Variants in ATXN1 observed in about 807,000 individuals in gnomAD.
ATXN1 encodes the protein ataxin-1.
In ATXN1, 8 loss-of-function variants were observed where a neutral mutation model predicts 56.4. The ratio of observed to expected loss-of-function variants is 0.14; its 90% CI spans 0.08 to 0.26. The LOEUF (loss-of-function observed/expected upper bound fraction) is 0.26. ATXN1 is among the 10% of genes least tolerant of loss of function. The pLI is 1.00. For synonymous variants in ATXN1, 514 were observed against 494.6 expected (o/e 1.04, Z -0.52); for missense variants, 987 against 1,106.5 (o/e 0.89, Z 1.53).
intron 4 of ATXN1, among the ~76,000 whole-genome samples, chr6:16,554,821 C>T (rs1454509058): frequency 6.6e-6 from 1 of 152,162 alleles, no homozygotes; most frequent in Admixed American, 6.5e-5. Context: ...GAACTCCTGA[C>T]CTCAGGTGAT....
intron 2 of ATXN1, among the ~76,000 whole-genome samples, chr6:16,718,697 A>C (rs1759686749): frequency 6.6e-6 from 1 of 152,256 alleles, no homozygotes; most frequent in African/African-American, 2.4e-5. Context: ...CAAGAGTTTT[A>C]ACACTGTGAT....
chr6:16,694,284 G>A (rs1258161604), intron 2 of ATXN1, among the ~76,000 whole-genome samples: 4 of 131,964 alleles, frequency 3.0e-5, no homozygotes, highest in African/African-American at 8.6e-5. Context: ...ACGGAGTCTC[G>A]CTCTGTCGCC....
At chr6:16,656,444 C>T (rs180839829) in intron 3 of ATXN1, among the ~76,000 whole-genome samples, 40 of 152,178 alleles carry the variant, frequency 2.6e-4, no homozygotes, top group Admixed American at 2.6e-3. Context: ...TGGGGCAGAC[C>T]TAGGCTTCAA....
intron 6 of ATXN1, among the ~76,000 whole-genome samples, chr6:16,356,619 C>G (rs2113468142): frequency 6.6e-6 from 1 of 152,258 alleles, no homozygotes; most frequent in South Asian, 2.1e-4. Flanking sequence ...ACAGTATGAA[C>G]TGTCCTGGAA....
chr6:16,541,221 T>C (rs1442139169), intron 4 of ATXN1, among the ~76,000 whole-genome samples: 1 of 152,192 alleles, frequency 6.6e-6, no homozygotes, highest in Non-Finnish European at 1.5e-5. Flanking sequence ...GGGGACTCAC[T>C]ACTGCACCAC....
chr6:16,397,550 T>A (rs1029008192), intron 6 of ATXN1, among the ~76,000 whole-genome samples: 8 of 152,174 alleles, frequency 5.3e-5, no homozygotes, highest in African/African-American at 1.7e-4. Context: ...CGGCCGCCAG[T>A]AGTAGCTAAA....
At chr6:16,613,703 C>T (rs1364872646) in intron 3 of ATXN1, among the ~76,000 whole-genome samples, 2 of 152,192 alleles carry the variant, frequency 1.3e-5, no homozygotes, top group South Asian at 2.1e-4. Context: ...GTGGCATGCA[C>T]CTGCAGTCCC....
At chr6:16,405,588 A>G (rs1184595279) in intron 6 of ATXN1, among the ~76,000 whole-genome samples, 1 of 152,162 alleles carries the variant, frequency 6.6e-6, no homozygotes, top group African/African-American at 2.4e-5. Flanking sequence ...GGTTTCATAA[A>G]ATGTTAGCGC....
intron 6 of ATXN1, among the ~76,000 whole-genome samples, chr6:16,430,845 A>C (rs1453173018): frequency 6.6e-6 from 1 of 152,164 alleles, no homozygotes; most frequent in African/African-American, 2.4e-5. Flanking sequence ...TACTGCGTAC[A>C]TCCAAGGTTC....
chr6:16,323,865 G>T (rs969901685), intron 7 of ATXN1, among the ~76,000 whole-genome samples: 1 of 152,122 alleles, frequency 6.6e-6, no homozygotes, highest in African/African-American at 2.4e-5. Flanking sequence ...CATGCAGGAA[G>T]TGAACAGCCA....
rs371457073 is a variant in ATXN1, at chr6:16,511,220, TG to T, written c.-299+11406del. 3.9e-4 allele frequency among the ~76,000 whole-genome samples: 60 copies of T among 151,968 alleles called. 1 individual carries two copies. The East Asian group carries it at 8.1e-3, about 21-fold the overall frequency. The stretch of plus-strand genomic sequence containing the variant: ...TAATTTAGTTAGGGAGAGGAAGGGG[TG>T]GAAGCTGGGGAAAGTCCTGCTTAGA... On this transcript the variant is annotated intron_variant, in intron 5 of 7. Coordinates refer to ENST00000436367, the MANE Select transcript of ATXN1 (RefSeq NM_001128164.2).
At chr6:16,714,889 A>G (rs1759606063) in intron 2 of ATXN1, among the ~76,000 whole-genome samples, 1 of 152,126 alleles carries the variant, frequency 6.6e-6, no homozygotes, top group African/African-American at 2.4e-5. Context: ...ACACCATTCT[A>G]TGCCATCAAG....
chr6:16,350,635 G>T (rs1388382824), intron 6 of ATXN1, among the ~76,000 whole-genome samples: 2 of 152,238 alleles, frequency 1.3e-5, no homozygotes, highest in African/African-American at 4.8e-5. Flanking sequence ...GTGTAGGAAA[G>T]AATTTGGCTT....
At chr6:16,427,299 A>G (rs995579086) in intron 6 of ATXN1, among the ~76,000 whole-genome samples, 3 of 152,116 alleles carry the variant, frequency 2.0e-5, no homozygotes, top group Non-Finnish European at 2.9e-5. Context: ...CCTCACTTCT[A>G]CTCACTAGAT....
chr6:16,430,786 A>G (rs1350189079), intron 6 of ATXN1, among the ~76,000 whole-genome samples: 1 of 151,956 alleles, frequency 6.6e-6, no homozygotes, highest in Non-Finnish European at 1.5e-5. Context: ...CTTGCCAACC[A>G]TATTTCATCT....
intron 2 of ATXN1, among the ~76,000 whole-genome samples, chr6:16,678,415 T>G (rs746734022): frequency 6.6e-6 from 1 of 152,242 alleles, no homozygotes; most frequent in African/African-American, 2.4e-5. Context: ...TTTTATTCTA[T>G]CTTATATTAG....
rs1337411752 is a variant in ATXN1 at position 16,374,658 on chromosome 6, G to A, written c.-160-46188C>T. On this transcript the variant is annotated intron_variant, in intron 6 of 7. Coordinates refer to ENST00000436367, the MANE Select transcript of ATXN1 (RefSeq NM_001128164.2). Reference sequence around the variant, plus strand: ...GGTTGAAAGGACACCTGTGAGCATCGTGAGGTTTGGATGGCAAGTGTGCCC... The same window carrying A: ...GGTTGAAAGGACACCTGTGAGCATCATGAGGTTTGGATGGCAAGTGTGCCC... 3.3e-5 allele frequency among the ~76,000 whole-genome samples: 5 copies of A among 152,192 alleles called. No homozygotes were observed. The East Asian group carries it at 5.8e-4, about 18-fold the overall frequency.
chr6:16,654,408 G>A lies in ATXN1; in HGVS notation c.-489+3368C>T, dbSNP rs149454633. On this transcript the variant is annotated intron_variant, in intron 3 of 7. Coordinates refer to ENST00000436367, the MANE Select transcript of ATXN1 (RefSeq NM_001128164.2). Reference sequence around the variant, plus strand: ...AAAATAGAAAAATTAGCTGGGCACGGTGGCGCATGCCTGTAATCCCAGCTA... The same window carrying A: ...AAAATAGAAAAATTAGCTGGGCACGATGGCGCATGCCTGTAATCCCAGCTA... 9.0e-3 allele frequency among the ~76,000 whole-genome samples: 1,372 copies of A among 152,140 alleles called. 21 individuals are homozygous for A. Among genetic ancestry groups the A allele is most frequent in the African/African-American group, 0.031 (1,279 of 41,504 alleles).
At chr6:16,348,238 A>G (rs921693432) in intron 6 of ATXN1, among the ~76,000 whole-genome samples, 5 of 152,006 alleles carry the variant, frequency 3.3e-5, no homozygotes, top group Admixed American at 1.3e-4. Context: ...TACATTTTAA[A>G]CTTTTTTATT....
Sources: allele counts gnomAD v4.1 joint callset (sites outside exome capture counted in the v4.1 genomes callset), GRCh38; gene constraint gnomAD v4.1.1; transcripts MANE v1.5; gene names NCBI Gene and HGNC (gene_info 2026-07-23, HGNC 2026-07-21).